The following WDFY3 variants were observed in gnomAD, a reference collection of about 807,000 sequenced individuals.
WDFY3 encodes WD repeat and FYVE domain-containing protein 3.
In WDFY3, 66 loss-of-function variants were observed where a neutral mutation model predicts 409.6. The ratio of observed to expected loss-of-function variants is 0.16; its 90% CI spans 0.13 to 0.20. WDFY3 has a LOEUF of 0.20. Among genes scored for constraint, WDFY3 ranks in the 10% least tolerant of loss-of-function variants. The pLI, the probability that WDFY3 is intolerant of heterozygous loss-of-function variation, is 1.00. For missense variants in WDFY3, 3,031 were observed against 4,298.1 expected, an observed-to-expected ratio of 0.71 and a Z score of 8.24; for synonymous variants, 1,521 against 1,537.1, an observed-to-expected ratio of 0.99 and a Z score of 0.25.
At chr4:84,681,999 C>G (rs1412218503) in intron 64 of WDFY3, among the ~76,000 whole-genome samples, 2 of 152,204 alleles carry the variant, frequency 1.3e-5, no homozygotes, top group Non-Finnish European at 2.9e-5. Flanking sequence ...TGAGCCAGCC[C>G]CATGGTGGGC....
chr4:84,763,471 A>C (rs1190125667), intron 32 of WDFY3, among the ~76,000 whole-genome samples: 2 of 152,110 alleles, frequency 1.3e-5, no homozygotes, highest in Non-Finnish European at 1.5e-5. Flanking sequence ...TAGGTGCAGC[A>C]AACCACCATG....
chr4:84,671,491 A>T lies in WDFY3; in HGVS notation c.*1377T>A, dbSNP rs1313330082. ...ATTAATTGTTTCATTTTTAATATAT[A>T]TTATATATATATATATATGTACATA... is the stretch of plus-strand genomic sequence containing the variant. On this transcript the variant is annotated 3_prime_UTR_variant, in exon 68 of 68. Transcript: ENST00000295888. 3 of 148,764 alleles carry T rather than the reference A, an allele frequency of 2.0e-5. No individual in the cohort carries two copies. The highest frequency in any genetic ancestry group is 2.1e-4 in the South Asian group (1 of 4,762). 9.2% of individuals were successfully genotyped at this position (148,764 alleles called of 1,614,324 possible).
At chr4:84,838,666 A>G (rs1756922076) in intron 6 of WDFY3, among the ~76,000 whole-genome samples, 4 of 152,146 alleles carry the variant, frequency 2.6e-5, no homozygotes, top group Admixed American at 2.0e-4. Context: ...CATACCCAAC[A>G]TACCATTTCT....
At chr4:84,851,929 G>C (rs1207831658) in intron 4 of WDFY3, among the ~76,000 whole-genome samples, 1 of 149,786 alleles carries the variant, frequency 6.7e-6, no homozygotes, top group African/African-American at 2.5e-5. Flanking sequence ...TAATAATAAA[G>C]TAAAAAAATT....
intron 3 of WDFY3, among the ~76,000 whole-genome samples, chr4:84,886,738 C>A (rs1764285927): frequency 6.6e-6 from 1 of 152,068 alleles, no homozygotes; most frequent in Admixed American, 6.6e-5. Flanking sequence ...CATTTAATAG[C>A]AAAATAAGTC....
At chr4:84,875,623 A>C (rs929861448) in intron 3 of WDFY3, among the ~76,000 whole-genome samples, 4 of 152,366 alleles carry the variant, frequency 2.6e-5, no homozygotes, top group African/African-American at 9.6e-5. Context: ...AATAACACGT[A>C]GCTTAAAACA....
chr4:84,761,550 C>A (rs1742597562), intron 32 of WDFY3, among the ~76,000 whole-genome samples: 1 of 151,990 alleles, frequency 6.6e-6, no homozygotes, highest in Non-Finnish European at 1.5e-5. Flanking sequence ...GATCCCTTTA[C>A]CATTATGACT....
chr4:84,769,249 T>C (rs1484845394), intron 30 of WDFY3, among the ~76,000 whole-genome samples: 2 of 152,198 alleles, frequency 1.3e-5, no homozygotes, highest in Non-Finnish European at 2.9e-5. Context: ...ATAAACTTAA[T>C]TGATATAGGA....
At chr4:84,806,028 C>G (rs1222009928) in intron 15 of WDFY3, among the ~76,000 whole-genome samples, 1 of 152,084 alleles carries the variant, frequency 6.6e-6, no homozygotes, top group Non-Finnish European at 1.5e-5. Flanking sequence ...AGACAAGTAT[C>G]ACAACCTCAA....
rs202188955 is a variant in WDFY3, at chr4:84,821,206, G to A, written c.1469C>T (p.Thr490Ile). 323 of 1,613,576 alleles carry A rather than the reference G, an allele frequency of 2.0e-4. No individual in the cohort carries two copies. The highest frequency in any genetic ancestry group is 3.3e-4 in the Middle Eastern group (2 of 6,078). ...IIAMKTLLKF[T>I]RHDYIFKDVF... ...GTCTTTAAATATGTAGTCATGTCTT[G>A]TAAACTTAAGAAGTGTTTTCATTGC... Residue 490 changes from threonine to isoleucine, a missense_variant, in exon 11 of 68, where the codon ACA becomes ATA. Thr to Ile is a moderately conservative substitution (Grantham distance 89). Around this residue, in one of 16 missense-constraint regions of WDFY3, gnomAD observed 1,322 missense variants for 1,697.9 expected, o/e 0.78. Transcript: ENST00000295888.
chr4:84,731,288 T>A (rs1736565232), intron 44 of WDFY3, among the ~76,000 whole-genome samples: 1 of 152,218 alleles, frequency 6.6e-6, no homozygotes, highest in East Asian at 1.9e-4. Flanking sequence ...TACCACTTTT[T>A]GAAAATTTGT....
intron 47 of WDFY3, 55 bp downstream of exon 47, chr4:84,721,354 C>G (rs1329133620): frequency 3.1e-6 from 5 of 1,593,136 alleles, no homozygotes; most frequent in Non-Finnish European, 3.4e-6. Context: ...CTCATCTTGT[C>G]TTAATAATAT....
intron 56 of WDFY3, among the ~76,000 whole-genome samples, chr4:84,699,114 T>C (rs2148911931): frequency 6.6e-6 from 1 of 152,172 alleles, no homozygotes; most frequent in South Asian, 2.1e-4. Context: ...TGCAGTGGCA[T>C]TTAGTTCAGA....
chr4:84,793,923 A>T (rs1748940244), intron 21 of WDFY3, among the ~76,000 whole-genome samples: 1 of 152,194 alleles, frequency 6.6e-6, no homozygotes, highest in Non-Finnish European at 1.5e-5. Context: ...TTTATACAAA[A>T]TGCTTATATT....
chr4:84,721,345 T>C (rs1293531988), intron 47 of WDFY3, 64 bp downstream of exon 47: 1 of 1,578,310 alleles, frequency 6.3e-7, no homozygotes, highest in Non-Finnish European at 8.6e-7. Flanking sequence ...CCCTATCAAC[T>C]CATCTTGTCT....
chr4:84,674,824 C>T (rs573858242), intron 67 of WDFY3, among the ~76,000 whole-genome samples: 3 of 146,174 alleles, frequency 2.1e-5, no homozygotes, highest in South Asian at 2.2e-4. Flanking sequence ...GCCGAGATCA[C>T]GCCACTGCAC....
chr4:84,792,431 A>G (rs185919752), intron 21 of WDFY3, among the ~76,000 whole-genome samples: 1 of 152,312 alleles, frequency 6.6e-6, no homozygotes, highest in East Asian at 1.9e-4. Context: ...AGTCTTCTCA[A>G]GTATTGAAGA....
At chr4:84,730,793 ATCTC>A (rs984836365) in intron 44 of WDFY3, among the ~76,000 whole-genome samples, 6 of 151,552 alleles carry the variant, frequency 4.0e-5, no homozygotes, top group South Asian at 2.1e-4. Flanking sequence ...TAAAAAAAAA[ATCTC>A]TCTCTCTGTA....
Position 84,679,225 on chromosome 4 carries a change from C to T in WDFY3, c.9841G>A (p.Glu3281Lys), listed in dbSNP as rs756621928. The stretch of plus-strand genomic sequence containing the variant: ...TCTGCTTCTGAATCACTGCTGTCCT[C>T]GTCTTGGGCTTCCTGCCCTGGGTGA... ...EAQIGQEAQDEDSSDSEADEQ... is the reference protein window; with the variant it reads ...EAQIGQEAQDKDSSDSEADEQ... Residue 3281 changes from glutamate (E) to lysine (K), a missense_variant, in exon 65 of 68, where the codon GAG (glutamate) becomes AAG (lysine). Glu to Lys is a moderately conservative substitution (Grantham distance 56). Coordinates refer to ENST00000295888, the MANE Select transcript of WDFY3 (RefSeq NM_014991.6). The T allele has an allele frequency of 2.6e-6, 4 of 1,547,136 alleles. No homozygotes were observed. Among genetic ancestry groups the T allele is most frequent in the Non-Finnish European group, 3.5e-6 (4 of 1,141,904 alleles).
Sources: gnomAD v4.1 joint callset for allele counts (sites outside exome capture counted in the v4.1 genomes callset) on GRCh38, gnomAD v4.1.1 for gene constraint, gnomAD v4.1.1 regional missense constraint, MANE v1.5 for transcripts, NCBI Gene and HGNC (gene_info 2026-07-23, HGNC 2026-07-21) for gene names.